The following PLAGL1 variants were observed in gnomAD, a reference collection of about 807,000 sequenced individuals.
The protein encoded by PLAGL1 is zinc finger protein PLAGL1.
PLAGL1 carries 1 observed loss-of-function variant against 4.6 expected under a neutral mutation model. The ratio of observed to expected loss-of-function variants is 0.22; its 90% CI spans 0.08 to 1.03. PLAGL1 has a LOEUF of 1.03. Among genes scored for constraint, PLAGL1 ranks in the 50% least tolerant of loss-of-function variants. The pLI is 0.58. For synonymous variants in PLAGL1, 240 were observed against 237.8 expected (o/e 1.01, Z -0.08); for missense variants, 464 against 570.4 (o/e 0.81, Z 1.90).
intron 1 of PLAGL1, among the ~76,000 whole-genome samples, chr6:144,018,095 T>A (rs1795690887): frequency 6.6e-6 from 1 of 152,050 alleles, no homozygotes; most frequent in South Asian, 2.1e-4. Context: ...TTTGTAGCCA[T>A]CAGAGTAATA....
chr6:143,974,264 TAA>T (rs968909802), intron 2 of PLAGL1, among the ~76,000 whole-genome samples: 3 of 152,194 alleles, frequency 2.0e-5, no homozygotes, highest in African/African-American at 7.2e-5. Context: ...ATCGATGGGT[TAA>T]GTTTCAAAAT....
At chr6:143,943,031 A>ATTTCTTTTTTT (rs1778981518) in intron 7 of PLAGL1, among the ~76,000 whole-genome samples, 1 of 64,646 alleles carries the variant, frequency 1.5e-5, no homozygotes, top group African/African-American at 5.2e-5. Context: ...GGCCTGGCTA[A>ATTTCTTTTTTT]TTTTTTTTTT....
At chr6:143,977,757 C>A (rs1331598338) in intron 2 of PLAGL1, among the ~76,000 whole-genome samples, 2 of 152,100 alleles carry the variant, frequency 1.3e-5, no homozygotes, top group Non-Finnish European at 2.9e-5. Flanking sequence ...ATCTCGGCCT[C>A]CAAAGGTGCT....
rs1184066354 is a variant in PLAGL1 at position 144,000,335 on chromosome 6, C to A, written c.-584+7755G>T. On this transcript the variant is annotated intron_variant, in intron 1 of 7. Coordinates refer to ENST00000674357, the MANE Select transcript of PLAGL1 (RefSeq NM_001317162.2). This position sits in a 1 kb window ranked among gnomAD's most constrained non-coding sequence, Gnocchi z 4.1. ...CAGAAGGAAAAGAAAAAAATCATTTCTTGCAAATTATGTATTTATGTAAAT... is the reference window on the plus strand; with the variant it reads ...CAGAAGGAAAAGAAAAAAATCATTTATTGCAAATTATGTATTTATGTAAAT... Among the ~76,000 whole-genome samples, 10 of 151,992 alleles carry A rather than the reference C, an allele frequency of 6.6e-5. No individual in the cohort carries two copies. The highest frequency in any genetic ancestry group is 5.9e-4 in the Admixed American group (9 of 15,256).
At chr6:143,967,874 G>A (rs1784700149) in intron 3 of PLAGL1, 1 of 152,012 alleles carries the variant, frequency 6.6e-6, no homozygotes, top group Non-Finnish European at 1.5e-5. Context: ...AATAGAGCGG[G>A]AAGTGGTTTA....
chr6:144,044,452 G>A (rs1797973623), intron 1 of PLAGL1, among the ~76,000 whole-genome samples: 2 of 152,156 alleles, frequency 1.3e-5, no homozygotes, highest in Admixed American at 1.3e-4. Context: ...AGTCATTCAG[G>A]AGCAGGTTGT....
chr6:144,062,413 A>T (rs1316536905), intron 1 of PLAGL1, among the ~76,000 whole-genome samples: 2 of 151,198 alleles, frequency 1.3e-5, no homozygotes, highest in East Asian at 3.9e-4. Context: ...ATCATGAAAC[A>T]AAGTCATTTC....
In PLAGL1 at chr6:143,955,923, A is replaced by G. The variant is rs1782025620; in HGVS notation, c.-325+4546T>C. ...GGGAAAGAGGGAATGGTGGTGGCAG[A>G]GAGAGGTTTTCTTCTGCATCCCAGA... is the stretch of plus-strand genomic sequence containing the variant. On this transcript the variant is annotated intron_variant, in intron 6 of 7. Coordinates refer to ENST00000674357, the MANE Select transcript of PLAGL1 (RefSeq NM_001317162.2). The surrounding 1 kb of genome is among the most constrained non-coding windows in gnomAD (Gnocchi z 4.9). Among the ~76,000 whole-genome samples the G allele has an allele frequency of 6.8e-6, 1 of 146,810 alleles. No individual in the cohort carries two copies. The highest frequency in any genetic ancestry group is 6.6e-5 in the Admixed American group (1 of 15,152).
In PLAGL1 at chr6:143,941,323, G is replaced by T; in HGVS notation, c.*101C>A. 1.2e-6 allele frequency: 1 copy of T among 859,670 alleles called. No homozygotes were observed. The allele number at this position is 859,670 out of a possible 1,614,324, so 53.3% of individuals were successfully genotyped here. On this transcript the variant is annotated 3_prime_UTR_variant, in exon 8 of 8. Coordinates refer to ENST00000674357, the MANE Select transcript of PLAGL1 (RefSeq NM_001317162.2). The surrounding 1 kb of genome is among the most constrained non-coding windows in gnomAD (Gnocchi z 6.0). ...GCCAGTCATCACTGAATAAGCCATAGTCCCAGTCTCGTTTTCCAAATCTTT... is the reference window on the plus strand; with the variant it reads ...GCCAGTCATCACTGAATAAGCCATATTCCCAGTCTCGTTTTCCAAATCTTT...
In PLAGL1 at chr6:143,964,033, A is replaced by G. The variant is rs1402922621; in HGVS notation, c.-399+754T>C. Among the ~76,000 whole-genome samples the G allele has an allele frequency of 6.6e-6, 1 of 152,200 alleles. No individual in the cohort carries two copies. Among genetic ancestry groups the G allele is most frequent in the Non-Finnish European group, 1.5e-5 (1 of 68,042 alleles). On this transcript the variant is annotated intron_variant, in intron 5 of 7. Coordinates refer to ENST00000674357, the MANE Select transcript of PLAGL1 (RefSeq NM_001317162.2). The surrounding 1 kb of genome is among the most constrained non-coding windows in gnomAD (Gnocchi z 4.3). ...GGACTTCTGGGAGGCGAGAAGGAGAAGCAGAGGAGAAGCTGCCAAAATGAC... is the reference window on the plus strand; with the variant it reads ...GGACTTCTGGGAGGCGAGAAGGAGAGGCAGAGGAGAAGCTGCCAAAATGAC...
rs2128553418 is a variant in PLAGL1, at chr6:143,959,734, A to G, written c.-325+735T>C. ...TTAAGTTTACTGCCCATCAGCATGG[A>G]CTAATGACATACTGCAAGTAATACA... On this transcript the variant is annotated intron_variant, in intron 6 of 7. Transcript: ENST00000674357. The surrounding 1 kb of genome is among the most constrained non-coding windows in gnomAD (Gnocchi z 5.3). 6.6e-6 allele frequency among the ~76,000 whole-genome samples: 1 copy of G among 152,348 alleles called. No individual in the cohort carries two copies. Among genetic ancestry groups the G allele is most frequent in the South Asian group, 2.1e-4 (1 of 4,830 alleles).
rs995993709 is a variant in PLAGL1 at position 144,004,591 on chromosome 6, G to C, written c.-584+3499C>G. On this transcript the variant is annotated intron_variant, in intron 1 of 7. Coordinates refer to ENST00000674357, the MANE Select transcript of PLAGL1 (RefSeq NM_001317162.2). This position sits in a 1 kb window ranked among gnomAD's most constrained non-coding sequence, Gnocchi z 4.2. ...AGTAGTTGACTGGGGGAAGCGAGTG[G>C]CTCCATTGATAGGAAGGGGCAGAAG... Among the ~76,000 whole-genome samples, 1 of 152,170 alleles carries C rather than the reference G, an allele frequency of 6.6e-6. No homozygotes were observed. The highest frequency in any genetic ancestry group is 6.5e-5 in the Admixed American group (1 of 15,280).
rs1788308581 is a variant in PLAGL1 at position 143,983,107 on chromosome 6, A to G, written c.-544+2028T>C. Among the ~76,000 whole-genome samples the G allele has an allele frequency of 6.6e-6, 1 of 152,194 alleles. No homozygotes were observed. The highest frequency in any genetic ancestry group is 2.4e-5 in the African/African-American group (1 of 41,458). On this transcript the variant is annotated intron_variant, in intron 2 of 7. Transcript: ENST00000674357. The surrounding 1 kb of genome is among the most constrained non-coding windows in gnomAD (Gnocchi z 6.6). ...GACAATGAGGATGTAACTGCAAGAA[A>G]GATAAGAGTAGTCACATGCAATAGG...
At chr6:143,951,221 A>T (rs887641583) in intron 6 of PLAGL1, among the ~76,000 whole-genome samples, 1 of 152,250 alleles carries the variant, frequency 6.6e-6, no homozygotes, top group Non-Finnish European at 1.5e-5. Flanking sequence ...AGCACACTGT[A>T]ACCTAAATAA....
At chr6:144,045,000 C>CTTTTTTTTTTTTTTTTTTTTTTTTTT (rs138373370) in intron 1 of PLAGL1, among the ~76,000 whole-genome samples, 4 of 47,322 alleles carry the variant, frequency 8.5e-5, no homozygotes, top group African/African-American at 8.7e-5. Context: ...GCAACCCCTG[C>CTTTTTTTTTTTTTTTTTTTTTTTTTT]TTTTTTTTTT....
At chr6:144,030,603 T>C (rs151194345) in intron 1 of PLAGL1, among the ~76,000 whole-genome samples, 6,963 of 152,308 alleles carry the variant, frequency 0.046, 229 homozygotes, top group Non-Finnish European at 0.069. Context: ...GATGTTTGGT[T>C]TTCCATTCCT....
At chr6:144,047,524 T>G (rs1160540888) in intron 1 of PLAGL1, among the ~76,000 whole-genome samples, 12 of 152,138 alleles carry the variant, frequency 7.9e-5, no homozygotes, top group Admixed American at 7.9e-4. Flanking sequence ...CTTACAATCA[T>G]GGCAGAAGGG....
chr6:144,051,153 G>A (rs190667438), intron 1 of PLAGL1, among the ~76,000 whole-genome samples: 153 of 152,172 alleles, frequency 1.0e-3, no homozygotes, highest in African/African-American at 3.5e-3. Context: ...CCTCAATTAC[G>A]TACTTTCTCT....
rs1445522870 is a variant in PLAGL1 at position 144,022,284 on chromosome 6, A to G, written c.-151+42184T>C. Among the ~76,000 whole-genome samples the G allele has an allele frequency of 6.6e-6, 1 of 152,270 alleles. No homozygotes were observed. Among genetic ancestry groups the G allele is most frequent in the African/African-American group, 2.4e-5 (1 of 41,476 alleles). ...TATGTAGATGGCATGTAAGCATATG[A>G]AAAGATGTTCAGCATCATTTGTCTT... On this transcript the variant is annotated intron_variant, in intron 1 of 3. Transcript: ENST00000437412. The surrounding 1 kb of genome is among the most constrained non-coding windows in gnomAD (Gnocchi z 4.2).
Sources: gnomAD v4.1 joint callset for allele counts (sites outside exome capture counted in the v4.1 genomes callset) on GRCh38, gnomAD v4.1.1 for gene constraint, Gnocchi (gnomAD v3.1) non-coding constraint, MANE v1.5 for transcripts, NCBI Gene and HGNC (gene_info 2026-07-23, HGNC 2026-07-21) for gene names.